The following ARL10 variants were observed in gnomAD, a reference collection of about 807,000 sequenced individuals.
ARL10 encodes ADP-ribosylation factor-like protein 10.
A neutral mutation model predicts 26.1 loss-of-function variants in ARL10; 23 were observed. That is an observed-to-expected ratio of 0.88 (90% CI 0.63 to 1.25). The LOEUF (loss-of-function observed/expected upper bound fraction) is 1.25, where lower values mean the gene tolerates loss of function less well. Ranked by LOEUF, ARL10 falls within the 50% of genes most tolerant of loss-of-function variation. ARL10 has a pLI of 0.00. For missense variants in ARL10, 300 were observed against 323.6 expected (o/e 0.93, Z 0.56); for synonymous variants, 138 against 149.1 (o/e 0.93, Z 0.54).
At chr5:176,384,188 T>C, downstream of ARL10, 1 of 1,614,046 alleles carries the variant, frequency 6.2e-7, no homozygotes, top group Non-Finnish European at 8.5e-7. Flanking sequence ...GCTTCACTGG[T>C]CCGGGGGACG....
chr5:176,398,142 C>G (rs1203983456), intron 1 of ARL10: 4 of 1,083,468 alleles, frequency 3.7e-6, no homozygotes, highest in African/African-American at 1.5e-5. Context: ...CTGGATAACT[C>G]AGCCTCAAAC....
intron 1 of ARL10, chr5:176,397,908 C>A (rs776186095): frequency 1.9e-6 from 3 of 1,607,178 alleles, no homozygotes; most frequent in Non-Finnish European, 1.7e-6. Flanking sequence ...CCCAGCCAAC[C>A]CCGCCTCAGC....
At position 176,371,917 on chromosome 5, in the gene ARL10, A is replaced by C. The variant is rs1581395514; in HGVS notation, c.*22A>C. 1.2e-6 allele frequency: 2 copies of C among 1,610,180 alleles called. No homozygotes were observed. ...CTAGGCTGGAGCTCTCCTGCTTGCC[A>C]CCTGCCTGTCAAGACCATAGTTGTA... On this transcript the variant is annotated 3_prime_UTR_variant, in exon 4 of 4. Coordinates refer to ENST00000310389, the MANE Select transcript of ARL10 (RefSeq NM_173664.6).
Position 176,368,953 on chromosome 5 carries a change from C to G in ARL10, c.532C>G (p.Leu178Val). The change falls in exon 3 of 4, where the codon CTG becomes GTG. Residue 178 changes from leucine (L) to valine (V), a missense_variant. Physicochemically the swap from Leu to Val is conservative, Grantham distance 32. Transcript: ENST00000310389. The surrounding 1 kb of genome is among the most constrained non-coding windows in gnomAD (Gnocchi z 4.1). ...LHKLLDKDPD[L>V]PVVVVANKQD... is the part of the protein sequence containing the mutation. ...CAAGCTGCTGGACAAGGACCCTGAC[C>G]TGCCTGTCGTCGTGGTGGCCAACAA... The G allele has an allele frequency of 6.2e-7, 1 of 1,614,124 alleles. No homozygotes were observed. The highest frequency in any genetic ancestry group is 8.5e-7 in the Non-Finnish European group (1 of 1,180,028).
rs1768649139 is a variant in ARL10 at position 176,375,117 on chromosome 5, CGT to C, written c.*3223_*3224del. On this transcript the variant is annotated 3_prime_UTR_variant, in exon 4 of 4. Coordinates refer to ENST00000310389, the MANE Select transcript of ARL10 (RefSeq NM_173664.6). ...CCATCCATCCATCCATCCCTCCATC[CGT>C]CCACCCGTCCACCCGTCCACCCATC... The C allele has an allele frequency of 6.9e-6, 1 of 143,958 alleles. No individual in the cohort carries two copies. The highest frequency in any genetic ancestry group is 6.9e-5 in the Admixed American group (1 of 14,538). The allele number at this position is 143,958 out of a possible 1,614,324, so 8.9% of individuals were successfully genotyped here. A position where few individuals can be genotyped will look rare whatever the true frequency, so the allele number is the denominator to read the frequency against.
downstream of ARL10, chr5:176,389,366 C>G (rs1364539669): frequency 4.3e-6 from 7 of 1,614,104 alleles, no homozygotes; most frequent in Non-Finnish European, 5.1e-6. Context: ...CACCTACGGC[C>G]TCTACTCCTT....
At chr5:176,407,260 G>C in the ARL10 span, among the ~76,000 whole-genome samples, 5 of 152,170 alleles carry the variant, frequency 3.3e-5, no homozygotes, top group Non-Finnish European at 5.9e-5. Flanking sequence ...TCTGAGCTTC[G>C]TGATGCTAAT....
chr5:176,406,730 G>A (rs1330951634), downstream of ARL10: 24 of 1,279,316 alleles, frequency 1.9e-5, no homozygotes, highest in Non-Finnish European at 2.4e-5. Flanking sequence ...AGGAAGAAAG[G>A]AAGCACAAAA....
At chr5:176,383,940 G>A, downstream of ARL10, 2 of 1,477,690 alleles carry the variant, frequency 1.4e-6, no homozygotes, top group Non-Finnish European at 1.8e-6. Flanking sequence ...AAAATCATCA[G>A]AGAAGTAAAA....
At position 176,377,785 on chromosome 5, in the gene ARL10, C is replaced by G. The variant is rs970668944; in HGVS notation, c.*5890C>G. On this transcript the variant is annotated 3_prime_UTR_variant, in exon 4 of 4. Transcript: ENST00000310389. The surrounding 1 kb of genome is among the most constrained non-coding windows in gnomAD (Gnocchi z 4.5). ...TGTTTTTTGTTTTTTTGTTTTGAGA[C>G]AGGATCTCACTCTGTCACCCAGGCT... The G allele has an allele frequency of 6.6e-6, 1 of 152,120 alleles. No individual in the cohort carries two copies. The highest frequency in any genetic ancestry group is 1.5e-5 in the Non-Finnish European group (1 of 68,072). The allele number at this position is 152,120 out of a possible 1,614,324, so 9.4% of individuals were successfully genotyped here.
chr5:176,394,511 A>G (rs1019928518), intron 1 of ARL10, among the ~76,000 whole-genome samples: 15 of 151,908 alleles, frequency 9.9e-5, no homozygotes, highest in African/African-American at 3.2e-4. Flanking sequence ...ATCTCTACTA[A>G]AAATACAAAA....
At chr5:176,385,302 T>C, downstream of ARL10, 1 of 1,611,630 alleles carries the variant, frequency 6.2e-7, no homozygotes, top group Non-Finnish European at 8.5e-7. Flanking sequence ...CTTTCTTTTC[T>C]GGAAGGCTGG....
At chr5:176,392,778 C>T (rs771241413), downstream of ARL10, 46 of 1,613,818 alleles carry the variant, frequency 2.9e-5, no homozygotes, top group Admixed American at 2.0e-4. The surrounding 1 kb of genome is among the most constrained non-coding windows in gnomAD (Gnocchi z 5.2). Context: ...AGGCACCTAG[C>T]GGGACAGTGG....
chr5:176,365,633 C>T lies in ARL10; in HGVS notation c.70C>T (p.Leu24Phe). 7.9e-7 allele frequency: 1 copy of T among 1,259,416 alleles called. No homozygotes were observed. The highest frequency in any genetic ancestry group is 3.4e-5 in the South Asian group (1 of 29,542). The allele number at this position is 1,259,416 out of a possible 1,614,324, so 78.0% of individuals were successfully genotyped here. A position where few individuals can be genotyped will look rare whatever the true frequency, so the allele number is the denominator to read the frequency against. The change falls in exon 1 of 4, where the codon CTC becomes TTC. Residue 24 changes from leucine to phenylalanine, a missense_variant. Transcript: ENST00000310389. ...GGAAAVLGSV[L>F]FILWKTYFGR... ...CGCCGCGGCGGTGCTGGGCTCGGTG[C>T]TCTTCATCCTCTGGAAGACCTACTT...
downstream of ARL10, among the ~76,000 whole-genome samples, chr5:176,385,648 A>G (rs2113584030): frequency 6.6e-6 from 1 of 152,366 alleles, no homozygotes; most frequent in East Asian, 1.9e-4. Context: ...GTCTCAGGAC[A>G]GAGATGAAGG....
intron 1 of ARL10, among the ~76,000 whole-genome samples, chr5:176,397,223 C>T (rs1356812503): frequency 6.6e-6 from 1 of 152,166 alleles, no homozygotes; most frequent in Non-Finnish European, 1.5e-5. Context: ...ACAGGCCTTT[C>T]CCTTCCTGGA....
At chr5:176,403,344 C>T (rs1241440644), downstream of ARL10, among the ~76,000 whole-genome samples, 1 of 151,698 alleles carries the variant, frequency 6.6e-6, no homozygotes, top group African/African-American at 2.4e-5. Context: ...GCTACTGCGC[C>T]TGGCCAAGCC....
chr5:176,388,934 T>C, downstream of ARL10: 1 of 1,613,984 alleles, frequency 6.2e-7, no homozygotes, highest in Non-Finnish European at 8.5e-7. Flanking sequence ...CAAGGAAAAG[T>C]TCGTTCGCAA....
downstream of ARL10, among the ~76,000 whole-genome samples, chr5:176,402,310 A>C (rs1756864541): frequency 6.6e-6 from 1 of 152,188 alleles, no homozygotes; most frequent in Non-Finnish European, 1.5e-5. Context: ...AAAATAAATA[A>C]ATAAAAATAA....
Sources: gnomAD v4.1 joint callset for allele counts (sites outside exome capture counted in the v4.1 genomes callset) on GRCh38, gnomAD v4.1.1 for gene constraint, Gnocchi (gnomAD v3.1) non-coding constraint, MANE v1.5 for transcripts, NCBI Gene and HGNC (gene_info 2026-07-23, HGNC 2026-07-21) for gene names.